Variants in ZNF704 observed in about 807,000 individuals in gnomAD.
ZNF704 encodes glucocorticoid induced gene 1.
Under a neutral mutation model 44.7 loss-of-function variants are expected in ZNF704, and 10 were observed. The observed-to-expected ratio is 0.22, with a 90% CI of 0.14 to 0.38. The LOEUF (loss-of-function observed/expected upper bound fraction) is 0.38, where lower values mean the gene tolerates loss of function less well. Among genes scored for constraint, ZNF704 ranks in the 10% least tolerant of loss-of-function variants. ZNF704 has a pLI of 1.00. For synonymous variants in ZNF704, 211 were observed against 207.6 expected (o/e 1.02, Z -0.14); for missense variants, 390 against 545.5 (o/e 0.71, Z 2.84).
chr8:80,738,200 G>A (rs1806696393), intron 2 of ZNF704, among the ~76,000 whole-genome samples: 1 of 152,060 alleles, frequency 6.6e-6, no homozygotes, highest in African/African-American at 2.4e-5. Context: ...TGATCATTTG[G>A]TCAAAGAGTT....
intron 1 of ZNF704, among the ~76,000 whole-genome samples, chr8:80,868,066 C>T (rs780044395): frequency 2.6e-5 from 4 of 152,166 alleles, no homozygotes; most frequent in Non-Finnish European, 5.9e-5. Flanking sequence ...ATCTCAGCCT[C>T]GCTACTGTTT....
intron 3 of ZNF704, among the ~76,000 whole-genome samples, chr8:80,692,469 T>C (rs955734468): frequency 6.6e-6 from 1 of 152,230 alleles, no homozygotes; most frequent in Non-Finnish European, 1.5e-5. Flanking sequence ...CCCAAAGAGA[T>C]AGTATACTAC....
At chr8:80,697,514 G>C (rs562429990) in intron 2 of ZNF704, among the ~76,000 whole-genome samples, 27 of 152,322 alleles carry the variant, frequency 1.8e-4, no homozygotes, top group Non-Finnish European at 2.8e-4. Flanking sequence ...CTCTCCAGGA[G>C]AGGCAGCAAC....
chr8:80,670,990 T>C (rs2131615870), intron 4 of ZNF704, among the ~76,000 whole-genome samples: 1 of 152,326 alleles, frequency 6.6e-6, no homozygotes, highest in Middle Eastern at 3.4e-3. Flanking sequence ...TACAGACGCA[T>C]AGAAAGCTCC....
chr8:80,819,855 G>T (rs1488872796), intron 2 of ZNF704, among the ~76,000 whole-genome samples: 1 of 152,068 alleles, frequency 6.6e-6, no homozygotes, highest in Non-Finnish European at 1.5e-5. Flanking sequence ...GACAAATCTG[G>T]CAATGGGAGA....
chr8:80,702,778 G>GT (rs1386132685), intron 2 of ZNF704, among the ~76,000 whole-genome samples: 2 of 152,130 alleles, frequency 1.3e-5, no homozygotes, highest in Non-Finnish European at 2.9e-5. Flanking sequence ...CGAGTCCAAG[G>GT]TATGGCCGTG....
chr8:80,826,141 T>C (rs1428873699), intron 1 of ZNF704, among the ~76,000 whole-genome samples: 1 of 151,562 alleles, frequency 6.6e-6, no homozygotes, highest in African/African-American at 2.4e-5. Context: ...ATCCAGGAGG[T>C]GGTTTTTTGA....
intron 2 of ZNF704, among the ~76,000 whole-genome samples, chr8:80,779,874 T>C (rs1196870552): frequency 6.6e-6 from 1 of 150,630 alleles, no homozygotes; most frequent in Non-Finnish European, 1.5e-5. Context: ...TTAATTTTCC[T>C]ACATTTGCAG....
chr8:80,861,965 G>C (rs1052826501), intron 1 of ZNF704, among the ~76,000 whole-genome samples: 1 of 144,904 alleles, frequency 6.9e-6, no homozygotes, highest in African/African-American at 2.6e-5. Flanking sequence ...ATAGCCATGT[G>C]GTTGAACAAG....
At chr8:80,882,593 G>A in the ZNF704 span, among the ~76,000 whole-genome samples, 20 of 152,174 alleles carry the variant, frequency 1.3e-4, 1 homozygote, top group African/African-American at 4.3e-4. Flanking sequence ...TTACATATGG[G>A]CCTTTCTTTT....
At chr8:80,856,719 T>C (rs868321689) in intron 1 of ZNF704, among the ~76,000 whole-genome samples, 12 of 152,352 alleles carry the variant, frequency 7.9e-5, no homozygotes, top group African/African-American at 2.9e-4. Flanking sequence ...CTGTCTATCT[T>C]GTAGCATCAG....
chr8:80,720,215 C>T (rs1457466234), intron 2 of ZNF704, among the ~76,000 whole-genome samples: 1 of 152,174 alleles, frequency 6.6e-6, no homozygotes, highest in Non-Finnish European at 1.5e-5. Context: ...TGACAAGCTC[C>T]CTTGTACGGA....
intron 2 of ZNF704, among the ~76,000 whole-genome samples, chr8:80,801,028 C>A (rs1807890509): frequency 6.6e-6 from 1 of 152,124 alleles, no homozygotes; most frequent in Non-Finnish European, 1.5e-5. Context: ...CCTGACAAAA[C>A]ACACTTTAAA....
intron 2 of ZNF704, among the ~76,000 whole-genome samples, chr8:80,774,606 T>C (rs553873094): frequency 6.6e-6 from 1 of 152,228 alleles, no homozygotes; most frequent in African/African-American, 2.4e-5. Flanking sequence ...GGGATAAAAA[T>C]CTAAGCTCCT....
chr8:80,681,909 T>A (rs1389526613), intron 4 of ZNF704, among the ~76,000 whole-genome samples: 2 of 152,214 alleles, frequency 1.3e-5, no homozygotes, highest in Non-Finnish European at 2.9e-5. Context: ...GTCACTAAGT[T>A]ACCTAGATAT....
At chr8:80,763,186 T>C (rs1043732868) in intron 2 of ZNF704, among the ~76,000 whole-genome samples, 1 of 152,216 alleles carries the variant, frequency 6.6e-6, no homozygotes, top group South Asian at 2.1e-4. Flanking sequence ...AAAGTGGCTC[T>C]CTTCTCACAG....
chr8:80,854,107 G>A (rs1808918234), intron 1 of ZNF704, among the ~76,000 whole-genome samples: 1 of 152,124 alleles, frequency 6.6e-6, no homozygotes. Flanking sequence ...AATAATGACT[G>A]TGAGGATTAT....
intron 2 of ZNF704, among the ~76,000 whole-genome samples, chr8:80,718,957 AC>A (rs758024006): frequency 1.5e-4 from 22 of 146,948 alleles, no homozygotes; most frequent in Non-Finnish European, 2.7e-4. Flanking sequence ...CAGAGTGAGC[AC>A]TCTACATTTT....
rs1817674591 is a variant in ZNF704 at position 80,637,049 on chromosome 8, C to G, written c.*4317G>C. 1.3e-5 allele frequency: 2 copies of G among 151,384 alleles called. No individual in the cohort carries two copies. The highest frequency in any genetic ancestry group is 2.9e-5 in the Non-Finnish European group (2 of 67,920). 9.4% of individuals were successfully genotyped at this position (151,384 alleles called of 1,614,324 possible). ...TGAGTCTAGGAATACCACCCCCACCCCGTCCCCCTCCCCCACCCCCAGGCA... is the reference window on the plus strand; with the variant it reads ...TGAGTCTAGGAATACCACCCCCACCGCGTCCCCCTCCCCCACCCCCAGGCA... On this transcript the variant is annotated 3_prime_UTR_variant, in exon 9 of 9. Coordinates refer to ENST00000327835, the MANE Select transcript of ZNF704 (RefSeq NM_001033723.3).
Sources: allele counts gnomAD v4.1 joint callset (sites outside exome capture counted in the v4.1 genomes callset), GRCh38; gene constraint gnomAD v4.1.1; transcripts MANE v1.5; gene names NCBI Gene and HGNC (gene_info 2026-07-23, HGNC 2026-07-21).